Variants in DAB2 observed in about 807,000 individuals in gnomAD.
DAB2 encodes the protein disabled homolog 2.
A neutral mutation model predicts 71.6 loss-of-function variants in DAB2; 28 were observed. The ratio of observed to expected loss-of-function variants is 0.39; its 90% CI spans 0.29 to 0.54. The LOEUF (loss-of-function observed/expected upper bound fraction) is 0.54, where lower values mean the gene tolerates loss of function less well. DAB2 is among the 20% of genes least tolerant of loss of function. The pLI is 0.68. For synonymous variants in DAB2, 345 were observed against 339.7 expected (o/e 1.02, Z -0.17); for missense variants, 867 against 928.8 (o/e 0.93, Z 0.86).
rs145557953 is a variant in DAB2, at chr5:39,372,547, T to C, written c.*884A>G. ...TCTTCCACAGGAAGGATATAGGTTG[T>C]GCCCATTTGCAATTCTAGTTCTTGG... On this transcript the variant is annotated 3_prime_UTR_variant, in exon 15 of 15. Transcript: ENST00000320816. 4 of 152,248 alleles carry C rather than the reference T, an allele frequency of 2.6e-5. No individual in the cohort carries two copies. The highest frequency in any genetic ancestry group is 7.2e-5 in the African/African-American group (3 of 41,558). The allele number at this position is 152,248 out of a possible 1,614,324, so 9.4% of individuals were successfully genotyped here. A position where few individuals can be genotyped will look rare whatever the true frequency, so the allele number is the denominator to read the frequency against.
chr5:39,413,225 T>C (rs1755771877), intron 1 of DAB2, among the ~76,000 whole-genome samples: 1 of 152,142 alleles, frequency 6.6e-6, no homozygotes, highest in Admixed American at 6.6e-5. Flanking sequence ...TTTCAAATAT[T>C]TGGCTAATCT....
intron 11 of DAB2, among the ~76,000 whole-genome samples, chr5:39,380,051 G>A (rs1416621041): frequency 6.6e-6 from 1 of 152,242 alleles, no homozygotes; most frequent in Non-Finnish European, 1.5e-5. Flanking sequence ...AAAGCTCTGT[G>A]ATGTGATCTC....
At chr5:39,388,750 C>T (rs1293585984) in intron 8 of DAB2, 49 bp downstream of exon 8, 1 of 1,462,928 alleles carries the variant, frequency 6.8e-7, no homozygotes, top group African/African-American at 1.4e-5. Context: ...GAAGTAGAAC[C>T]CATGTTCAGA....
intron 1 of DAB2, among the ~76,000 whole-genome samples, chr5:39,413,291 G>C (rs1473841573): frequency 6.6e-6 from 1 of 152,140 alleles, no homozygotes; most frequent in Non-Finnish European, 1.5e-5. Flanking sequence ...TCAAACATTA[G>C]ATTCAAGGTT....
At chr5:39,421,044 T>C (rs1755972283) in intron 1 of DAB2, among the ~76,000 whole-genome samples, 1 of 152,138 alleles carries the variant, frequency 6.6e-6, no homozygotes, top group Non-Finnish European at 1.5e-5. Flanking sequence ...TCCTTCTCTG[T>C]CAGGAGTCTG....
chr5:39,390,934 A>G (rs1755212809), intron 4 of DAB2, among the ~76,000 whole-genome samples: 1 of 152,170 alleles, frequency 6.6e-6, no homozygotes, highest in Admixed American at 6.5e-5. Context: ...TTCCCAACTC[A>G]AAGACAAACT....
chr5:39,376,968 G>A lies in DAB2; in HGVS notation c.1819C>T (p.Gln607Ter). ...NIFPAPAVST[Q>*]PPSMHSSLLV... is the part of the protein sequence containing the mutation. ...AGAGAGGAGTGCATGGATGGGGGCT[G>A]AGTGGACACAGCAGGAGCTGGAAAA... The change falls in exon 12 of 15, where the codon CAG becomes TAG. Residue 607 changes from glutamine to a stop codon, truncating the protein, a stop_gained. Transcript: ENST00000320816. LOFTEE classifies it high-confidence loss of function. 1 of 1,614,134 alleles carries A rather than the reference G, an allele frequency of 6.2e-7. No homozygotes were observed. Among genetic ancestry groups the A allele is most frequent in the Non-Finnish European group, 8.5e-7 (1 of 1,180,008 alleles).
rs1306967482 is a variant in DAB2, at chr5:39,420,703, A to G, written c.-102+4101T>C. Among the ~76,000 whole-genome samples, 4 of 152,350 alleles carry G rather than the reference A, an allele frequency of 2.6e-5. No individual in the cohort carries two copies. The East Asian group carries it at 5.8e-4, about 22-fold the overall frequency. On this transcript the variant is annotated intron_variant, in intron 1 of 14. Transcript: ENST00000320816. ...ATGATGCAAGAACTAGGAAGGTTAGAAAATTAAGTATTGGGATTAAAATAA... is the reference window on the plus strand; with the variant it reads ...ATGATGCAAGAACTAGGAAGGTTAGGAAATTAAGTATTGGGATTAAAATAA...
Position 39,377,184 on chromosome 5 carries a change from C to G in DAB2, c.1603G>C (p.Gly535Arg), listed in dbSNP as rs1754854023. ...PSMAPGAMMGGQPSGFSQPVI... is the reference protein window; with the variant it reads ...PSMAPGAMMGRQPSGFSQPVI... ...GGCTGACTAAAACCTGAAGGTTGAC[C>G]ACCCATCATGGCTCCCGGAGCCATT... Residue 535 changes from glycine to arginine, a missense_variant, in exon 12 of 15, where the codon GGT becomes CGT. By Grantham distance (125) the Gly-to-Arg change is moderately radical. Around this residue, in one of 2 missense-constraint regions of DAB2, gnomAD observed 740 missense variants for 734.3 expected, o/e 1.01. Transcript: ENST00000320816. 1 of 1,613,978 alleles carries G rather than the reference C, an allele frequency of 6.2e-7. No homozygotes were observed. The highest frequency in any genetic ancestry group is 1.7e-5 in the Admixed American group (1 of 59,994).
At chr5:39,403,013 T>C (rs1755537081) in intron 1 of DAB2, among the ~76,000 whole-genome samples, 1 of 152,186 alleles carries the variant, frequency 6.6e-6, no homozygotes, top group Admixed American at 6.5e-5. Context: ...CCCAGATAAA[T>C]TAGATCACAG....
chr5:39,395,916 G>A (rs62358417), intron 1 of DAB2, among the ~76,000 whole-genome samples: 4,015 of 139,328 alleles, frequency 0.029, 91 homozygotes, highest in South Asian at 0.094. Context: ...TTTCCAGAGG[G>A]AAGGCTAAGA....
intron 14 of DAB2, among the ~76,000 whole-genome samples, 175 bp from the exon 15 acceptor site, chr5:39,373,600 C>T (rs1323151965): frequency 6.6e-6 from 1 of 152,132 alleles, no homozygotes; most frequent in Non-Finnish European, 1.5e-5. Flanking sequence ...AGCGCAAGTG[C>T]TCAACAATGT....
Position 39,389,952 on chromosome 5 carries a change from T to A in DAB2, c.463-20A>T, listed in dbSNP as rs1264253890. On this transcript the variant is annotated intron_variant, in intron 5 of 14. Transcript: ENST00000320816. ...TTCAGCCTGCAGTAAGGGAAAGCAC[T>A]GTTATCCGTATTTTAATTTTAGTAT... The A allele has an allele frequency of 6.1e-6, 9 of 1,464,356 alleles. No individual in the cohort carries two copies. In the African/African-American group the frequency reaches 1.0e-4, roughly 16 times the overall value. 90.7% of individuals were successfully genotyped at this position (1,464,356 alleles called of 1,614,324 possible). A position where few individuals can be genotyped will look rare whatever the true frequency, so the allele number is the denominator to read the frequency against.
intron 1 of DAB2, among the ~76,000 whole-genome samples, chr5:39,418,998 A>T (rs1458532080): frequency 6.6e-6 from 1 of 152,214 alleles, no homozygotes; most frequent in East Asian, 1.9e-4. Flanking sequence ...TGCAGCTTAG[A>T]ACCCAAGCTC....
chr5:39,379,466 G>T (rs1754906805), intron 11 of DAB2, among the ~76,000 whole-genome samples: 1 of 126,160 alleles, frequency 7.9e-6, no homozygotes, highest in Non-Finnish European at 1.7e-5. Flanking sequence ...AAAAAAAAAG[G>T]AGAGAAAAAT....
chr5:39,380,260 T>C (rs532618222), intron 11 of DAB2, among the ~76,000 whole-genome samples: 3 of 152,184 alleles, frequency 2.0e-5, no homozygotes, highest in Non-Finnish European at 2.9e-5. Flanking sequence ...CCCTCACGGA[T>C]TTCTGCCACT....
At chr5:39,401,897 C>T (rs1235724898) in intron 1 of DAB2, among the ~76,000 whole-genome samples, 7 of 152,092 alleles carry the variant, frequency 4.6e-5, no homozygotes, top group Middle Eastern at 3.4e-3. Flanking sequence ...GGACTACAGG[C>T]GCCTGCCATC....
intron 3 of DAB2, among the ~76,000 whole-genome samples, chr5:39,392,871 C>T (rs1047780171): frequency 6.6e-6 from 1 of 152,212 alleles, no homozygotes; most frequent in African/African-American, 2.4e-5. Context: ...TAAGTAGAAT[C>T]CTCAATTTTA....
chr5:39,393,300 T>A lies in DAB2; in HGVS notation c.185A>T (p.Asp62Val). ...AKLIGIDDVP[D>V]ARGDKMSQDS... ...TTGGCTCATTTTATCCCCTCTTGCA[T>A]CTGGCACATCATCAATGCCAATCAG... is the stretch of plus-strand genomic sequence containing the variant. The change falls in exon 3 of 15, where the codon GAT becomes GTT. Residue 62 changes from aspartate (D) to valine (V), a missense_variant. Around this residue, in one of 2 missense-constraint regions of DAB2, gnomAD observed 127 missense variants for 194.4 expected, o/e 0.65. Coordinates refer to ENST00000320816, the MANE Select transcript of DAB2 (RefSeq NM_001343.4). 2 of 1,614,042 alleles carry A rather than the reference T, an allele frequency of 1.2e-6. No homozygotes were observed. Among genetic ancestry groups the A allele is most frequent in the East Asian group, 4.5e-5 (2 of 44,874 alleles).
Sources: gnomAD v4.1 joint callset for allele counts (sites outside exome capture counted in the v4.1 genomes callset) on GRCh38, gnomAD v4.1.1 for gene constraint, gnomAD v4.1.1 regional missense constraint, MANE v1.5 for transcripts, NCBI Gene and HGNC (gene_info 2026-07-23, HGNC 2026-07-21) for gene names.